PIPOX: variants seen among roughly 807,000 people sequenced by gnomAD.
PIPOX encodes the protein pipecolic acid and sarcosine oxidase.
In PIPOX, 45 loss-of-function variants were observed where a neutral mutation model predicts 47.9. The ratio of observed to expected loss-of-function variants is 0.94; its 90% CI spans 0.74 to 1.20. The LOEUF (loss-of-function observed/expected upper bound fraction) is 1.20, where lower values mean the gene tolerates loss of function less well. PIPOX is among the 50% of genes most tolerant of loss of function. The pLI is 0.00. For missense variants in PIPOX, 458 were observed against 498.4 expected (o/e 0.92, Z 0.77); for synonymous variants, 165 against 191.3 (o/e 0.86, Z 1.13).
Position 29,055,851 on chromosome 17 carries a change from A to G in PIPOX, c.1005A>G (p.Pro335=), listed in dbSNP as rs1598240952. The change falls in exon 7 of 8, where the codon CCA becomes CCG. Residue 335 remains proline (P), a synonymous_variant. Transcript: ENST00000323372. ...AGCAGTTCATTCTCGATCGCCACCC[A>G]AAGTATGACAACATTGTCATTGGTG... ...PDEQFILDRH[P]KYDNIVIGAG... is the part of the protein sequence containing the mutation. 3 of 1,613,970 alleles carry G rather than the reference A, an allele frequency of 1.9e-6. No homozygotes were observed. Among genetic ancestry groups the G allele is most frequent in the African/African-American group, 2.7e-5 (2 of 75,026 alleles).
chr17:29,051,543 G>A (rs1401448560), intron 2 of PIPOX, among the ~76,000 whole-genome samples: 1 of 152,252 alleles, frequency 6.6e-6, no homozygotes, highest in African/African-American at 2.4e-5. Context: ...CTGCAATGGA[G>A]AAGGACCACG....
Position 29,053,459 on chromosome 17 carries a change from T to C in PIPOX, c.524T>C (p.Val175Ala). 6 of 1,613,970 alleles carry C rather than the reference T, an allele frequency of 3.7e-6. No homozygotes were observed. The highest frequency in any genetic ancestry group is 5.1e-6 in the Non-Finnish European group (6 of 1,179,942). Residue 175 changes from valine (V) to alanine (A), a missense_variant, in exon 4 of 8, where the codon GTG becomes GCG. Physicochemically the swap from Val to Ala is moderately conservative, Grantham distance 64 (BLOSUM62 0). Transcript: ENST00000323372. ...GGCATAGTGCGTGACGGAGAGAAGG[T>C]GGTGGAGATAAACCCAGGGCTACTG... is the stretch of plus-strand genomic sequence containing the variant. ...LGGIVRDGEK[V>A]VEINPGLLVT...
Position 29,056,287 on chromosome 17 carries a change from G to A in PIPOX, c.1155G>A (p.Leu385=), listed in dbSNP as rs2065827975. Residue 385 remains leucine (L), a synonymous_variant, in exon 8 of 8, where the codon CTG becomes CTA. Coordinates refer to ENST00000323372, the MANE Select transcript of PIPOX (RefSeq NM_016518.3). The stretch of plus-strand genomic sequence containing the variant: ...TTCGAATCAGCCGTTTCCCAAGCCT[G>A]GGCAAAGCCCACCTTTGACCTCTGG... ...APFRISRFPS[L]GKAHL The A allele has an allele frequency of 6.2e-7, 1 of 1,614,064 alleles. No individual in the cohort carries two copies. Among genetic ancestry groups the A allele is most frequent in the South Asian group, 1.1e-5 (1 of 91,078 alleles).
At chr17:29,043,946 G>A (rs1010022520) in intron 1 of PIPOX, among the ~76,000 whole-genome samples, 3 of 152,144 alleles carry the variant, frequency 2.0e-5, no homozygotes, top group Non-Finnish European at 4.4e-5. Context: ...ATGTGGGTGG[G>A]CCCTGTGTGT....
At chr17:29,052,421 A>G (rs1044586230) in intron 2 of PIPOX, among the ~76,000 whole-genome samples, 3 of 152,234 alleles carry the variant, frequency 2.0e-5, no homozygotes, top group African/African-American at 4.8e-5. Flanking sequence ...ATGGGCTGGA[A>G]ATCAGCATGA....
Position 29,052,983 on chromosome 17 carries a change from T to G in PIPOX, c.327T>G (p.Asn109Lys). Residue 109 changes from asparagine (N) to lysine (K), a missense_variant, in exon 3 of 8, where the codon AAT becomes AAG. Transcript: ENST00000323372. ...AAGAATTAAAGACAATCCAGGCCAATCTGTCGAGGCAGAGGGTAGAACACC... is the reference window on the plus strand; with the variant it reads ...AAGAATTAAAGACAATCCAGGCCAAGCTGTCGAGGCAGAGGGTAGAACACC... ...ENQELKTIQA[N>K]LSRQRVEHQC... The G allele has an allele frequency of 6.2e-7, 1 of 1,614,260 alleles. No individual in the cohort carries two copies. Among genetic ancestry groups the G allele is most frequent in the Non-Finnish European group, 8.5e-7 (1 of 1,180,048 alleles).
chr17:29,047,200 G>A (rs1202513325), intron 2 of PIPOX, among the ~76,000 whole-genome samples: 1 of 152,174 alleles, frequency 6.6e-6, no homozygotes, highest in African/African-American at 2.4e-5. Flanking sequence ...TGAGGCAGAA[G>A]AATCGCTTGA....
intron 2 of PIPOX, among the ~76,000 whole-genome samples, chr17:29,051,038 C>T (rs1248516805): frequency 6.6e-6 from 1 of 151,904 alleles, no homozygotes; most frequent in Non-Finnish European, 1.5e-5. Context: ...AGGAGAATTG[C>T]TTACACCCGG....
rs765649913 is a variant in PIPOX at position 29,056,273 on chromosome 17, C to A, written c.1141C>A (p.Arg381Ser). 7 of 1,614,082 alleles carry A rather than the reference C, an allele frequency of 4.3e-6. No homozygotes were observed. In the Admixed American group the frequency reaches 1.2e-4, roughly 27 times the overall value. Reference protein sequence around the residue: ...SYDLAPFRISRFPSLGKAHL With the variant: ...SYDLAPFRISSFPSLGKAHL ...TGACTTGGCACCTTTTCGAATCAGC[C>A]GTTTCCCAAGCCTGGGCAAAGCCCA... Residue 381 changes from arginine to serine, a missense_variant, in exon 8 of 8, where the codon CGT becomes AGT. Arg to Ser is a moderately radical substitution (Grantham distance 110, BLOSUM62 -1). Transcript: ENST00000323372.
At chr17:29,055,470 A>G (rs534214791) in intron 6 of PIPOX, among the ~76,000 whole-genome samples, 3 of 152,338 alleles carry the variant, frequency 2.0e-5, no homozygotes, top group East Asian at 3.9e-4. Context: ...GATTCCCAGA[A>G]GAGCTCTAAA....
At chr17:29,045,100 T>G in intron 2 of PIPOX, 93 bp downstream of exon 2, 3 of 1,381,772 alleles carry the variant, frequency 2.2e-6, no homozygotes, top group Non-Finnish European at 2.9e-6. Context: ...ACATTTGGAA[T>G]GCAATGGGAG....
intron 1 of PIPOX, chr17:29,044,206 C>A (rs2065776659): frequency 6.6e-6 from 1 of 152,154 alleles, no homozygotes; most frequent in African/African-American, 2.4e-5. Flanking sequence ...TCTGTAGCCA[C>A]AGAGAAATAA....
intron 2 of PIPOX, among the ~76,000 whole-genome samples, chr17:29,049,511 C>T (rs2065797584): frequency 6.6e-6 from 1 of 152,186 alleles, no homozygotes; most frequent in African/African-American, 2.4e-5. Flanking sequence ...AAATGATTTT[C>T]AATCTGCCCA....
In PIPOX at chr17:29,056,382, G is replaced by C; in HGVS notation, c.*77G>C. Reference sequence around the variant, plus strand: ...AGAAGATGTCTCAGATGAAGGGAGTGTCCCTGAGATATCATCCTTTTCTTC... The same window carrying C: ...AGAAGATGTCTCAGATGAAGGGAGTCTCCCTGAGATATCATCCTTTTCTTC... On this transcript the variant is annotated 3_prime_UTR_variant, in exon 8 of 8. Transcript: ENST00000323372. 1 of 1,534,270 alleles carries C rather than the reference G, an allele frequency of 6.5e-7. No individual in the cohort carries two copies. Among genetic ancestry groups the C allele is most frequent in the South Asian group, 1.1e-5 (1 of 88,288 alleles).
Position 29,056,386 on chromosome 17 carries a change from C to T in PIPOX, c.*81C>T. The T allele has an allele frequency of 2.0e-6, 3 of 1,517,414 alleles. No individual in the cohort carries two copies. The highest frequency in any genetic ancestry group is 2.7e-6 in the Non-Finnish European group (3 of 1,099,266). 94.0% of individuals were successfully genotyped at this position (1,517,414 alleles called of 1,614,324 possible). On this transcript the variant is annotated 3_prime_UTR_variant, in exon 8 of 8. Coordinates refer to ENST00000323372, the MANE Select transcript of PIPOX (RefSeq NM_016518.3). Reference sequence around the variant, plus strand: ...GATGTCTCAGATGAAGGGAGTGTCCCTGAGATATCATCCTTTTCTTCTGCC... The same window carrying T: ...GATGTCTCAGATGAAGGGAGTGTCCTTGAGATATCATCCTTTTCTTCTGCC...
chr17:29,051,268 C>G (rs754522777), intron 2 of PIPOX, among the ~76,000 whole-genome samples: 6 of 152,230 alleles, frequency 3.9e-5, no homozygotes, highest in Admixed American at 2.0e-4. Context: ...AGGCAGAGCT[C>G]TCGTTGCTAT....
At chr17:29,045,879 T>G (rs1225847089) in intron 2 of PIPOX, among the ~76,000 whole-genome samples, 2 of 152,172 alleles carry the variant, frequency 1.3e-5, no homozygotes, top group Non-Finnish European at 2.9e-5. Flanking sequence ...TCCACGTCTT[T>G]CTCTGCTGCC....
At position 29,043,183 on chromosome 17, in the gene PIPOX, C is replaced by G. The variant is rs1296327253; in HGVS notation, c.-43C>G. ...TTAGCCGGGAGCCTGTCTTTGCTTG[C>G]CTTTGCCTTTGAGGCTCTGTGGCTG... is the stretch of plus-strand genomic sequence containing the variant. On this transcript the variant is annotated 5_prime_UTR_variant, in exon 1 of 8. Transcript: ENST00000323372. The G allele has an allele frequency of 2.0e-6, 3 of 1,483,528 alleles. No homozygotes were observed. Among genetic ancestry groups the G allele is most frequent in the Admixed American group, 1.7e-5 (1 of 58,190 alleles). 91.9% of individuals were successfully genotyped at this position (1,483,528 alleles called of 1,614,324 possible).
At chr17:29,048,693 A>G (rs554966406) in intron 2 of PIPOX, among the ~76,000 whole-genome samples, 48 of 152,350 alleles carry the variant, frequency 3.2e-4, no homozygotes, top group African/African-American at 1.2e-3. Flanking sequence ...TGCTGGCAGA[A>G]CCTGGTGGCC....
Sources: allele counts gnomAD v4.1 joint callset (sites outside exome capture counted in the v4.1 genomes callset), GRCh38; gene constraint gnomAD v4.1.1; transcripts MANE v1.5; gene names NCBI Gene and HGNC (gene_info 2026-07-23, HGNC 2026-07-21).